Variants in PCDH15 observed in about 807,000 individuals in gnomAD.
The protein encoded by PCDH15 is protocadherin related 15, also known as protocadherin-15.
Under a neutral mutation model 178.5 loss-of-function variants are expected in PCDH15, and 129 were observed. The ratio of observed to expected loss-of-function variants is 0.72; its 90% CI spans 0.63 to 0.84. The LOEUF (loss-of-function observed/expected upper bound fraction) is 0.84, where lower values mean the gene tolerates loss of function less well. PCDH15 is among the 40% of genes least tolerant of loss of function. The pLI, the probability that PCDH15 is intolerant of heterozygous loss-of-function variation, is 0.00. For synonymous variants in PCDH15, 800 were observed against 732.0 expected (o/e 1.09, Z -1.50); for missense variants, 2,230 against 2,099.9 (o/e 1.06, Z -1.21).
At chr10:54,431,224 A>T (rs550724600) in intron 3 of PCDH15, among the ~76,000 whole-genome samples, 118 of 152,286 alleles carry the variant, frequency 7.7e-4, no homozygotes, top group African/African-American at 2.7e-3. Flanking sequence ...TCTGAAAAAT[A>T]AAACAAGACA....
In PCDH15 at chr10:53,806,272, A is replaced by ATGAT. The variant is rs1247417237; in HGVS notation, c.*303_*306dup. 3 of 244,342 alleles carry ATGAT rather than the reference A, an allele frequency of 1.2e-5. No individual in the cohort carries two copies. Among genetic ancestry groups the ATGAT allele is most frequent in the South Asian group, 8.0e-5 (1 of 12,520 alleles). The allele number at this position is 244,342 out of a possible 1,614,324, so 15.1% of individuals were successfully genotyped here. A position where few individuals can be genotyped will look rare whatever the true frequency, so the allele number is the denominator to read the frequency against. On this transcript the variant is annotated 3_prime_UTR_variant, in exon 38 of 38. Transcript: ENST00000644397. ...ATCTATGTTAATCAATAAAATATAA[A>ATGAT]TGATTATTTAGTAATTATTTCTTGT...
chr10:54,362,270 A>T (rs1946167786), intron 5 of PCDH15, among the ~76,000 whole-genome samples: 1 of 152,080 alleles, frequency 6.6e-6, no homozygotes, highest in South Asian at 2.1e-4. Context: ...TTTGGATAAG[A>T]ACAAATTTAA....
At chr10:54,124,723 C>A (rs1206444729) in intron 15 of PCDH15, among the ~76,000 whole-genome samples, 1 of 152,146 alleles carries the variant, frequency 6.6e-6, no homozygotes, top group Admixed American at 6.5e-5. Context: ...GTGAAACATT[C>A]ATGAATCATA....
chr10:53,887,758 A>G (rs1449471795), intron 26 of PCDH15, among the ~76,000 whole-genome samples: 3 of 152,098 alleles, frequency 2.0e-5, no homozygotes, highest in Non-Finnish European at 4.4e-5. Context: ...GCGTGGTGGC[A>G]CATGCCTGTA....
intron 2 of PCDH15, among the ~76,000 whole-genome samples, chr10:55,531,308 C>A (rs927505061): frequency 6.6e-6 from 1 of 151,932 alleles, no homozygotes; most frequent in Non-Finnish European, 1.5e-5. Context: ...CAAGTGTTAT[C>A]TATCTTATAT....
At chr10:54,256,957 C>T (rs2056938843) in intron 8 of PCDH15, among the ~76,000 whole-genome samples, 1 of 152,062 alleles carries the variant, frequency 6.6e-6, no homozygotes. Context: ...ATAACAATGT[C>T]TATATCCCTA....
At chr10:54,856,636 C>T (rs1953747282) in intron 3 of PCDH15, among the ~76,000 whole-genome samples, 1 of 152,164 alleles carries the variant, frequency 6.6e-6, no homozygotes. Context: ...CTTTTGATCA[C>T]TCACCCTGGC....
At chr10:55,317,113 G>C (rs1843742080) in intron 1 of PCDH15, among the ~76,000 whole-genome samples, 1 of 152,084 alleles carries the variant, frequency 6.6e-6, no homozygotes, top group African/African-American at 2.4e-5. Context: ...GGGAACCAGG[G>C]GCAGATAGGG....
chr10:55,466,051 A>T (rs1005913608), intron 2 of PCDH15, among the ~76,000 whole-genome samples: 1 of 152,128 alleles, frequency 6.6e-6, no homozygotes, highest in African/African-American at 2.4e-5. Context: ...TGGGGGTATA[A>T]TGATTACCTC....
chr10:55,470,866 T>C (rs1040108128), intron 2 of PCDH15, among the ~76,000 whole-genome samples: 6 of 152,078 alleles, frequency 3.9e-5, no homozygotes, highest in African/African-American at 1.4e-4. Flanking sequence ...ACTATTTCCA[T>C]AGATTTGCCT....
intron 1 of PCDH15, among the ~76,000 whole-genome samples, chr10:54,754,942 C>CTTCCTTTTTTTTTTT (rs775058954): frequency 5.9e-5 from 2 of 33,858 alleles, no homozygotes; most frequent in African/African-American, 1.8e-4. Context: ...GTTTTTCTTT[C>CTTCCTTTTTTTTTTT]TTTTTTTTTT....
chr10:54,386,264 A>G (rs1453935248), intron 3 of PCDH15, among the ~76,000 whole-genome samples: 1 of 150,450 alleles, frequency 6.6e-6, no homozygotes, highest in African/African-American at 2.4e-5. Context: ...CTGATGAGTT[A>G]CAAAAAAAAA....
In PCDH15 at chr10:54,752,529, CAAAA is replaced by C. The variant is rs150006610; in HGVS notation, c.-29+48392_-29+48395del. On this transcript the variant is annotated intron_variant, in intron 1 of 37. Coordinates refer to ENST00000644397, the MANE Select transcript of PCDH15 (RefSeq NM_001384140.1). ...AACAAAAAACAAACAAACAAACAAA[CAAAA>C]AAAAACAATAAAACAATTTTCCTAT... is the stretch of plus-strand genomic sequence containing the variant. Among the ~76,000 whole-genome samples, 48 of 52,010 alleles carry C rather than the reference CAAAA, an allele frequency of 9.2e-4. 1 individual carries two copies. Among genetic ancestry groups the C allele is most frequent in the African/African-American group, 2.3e-3 (36 of 15,384 alleles). 34.1% of individuals were successfully genotyped at this position (52,010 alleles called of 152,430 possible).
At chr10:55,308,090 A>G (rs1322995340) in intron 1 of PCDH15, among the ~76,000 whole-genome samples, 1 of 152,222 alleles carries the variant, frequency 6.6e-6, no homozygotes, top group Non-Finnish European at 1.5e-5. Flanking sequence ...AATAAATATT[A>G]TAGAAAACAT....
At chr10:55,247,414 A>C (rs1841705252) in intron 1 of PCDH15, among the ~76,000 whole-genome samples, 1 of 152,168 alleles carries the variant, frequency 6.6e-6, no homozygotes, top group Non-Finnish European at 1.5e-5. Context: ...AGCCAAATTT[A>C]TATCTCAGAA....
chr10:53,999,146 T>A (rs2092000093), intron 20 of PCDH15, among the ~76,000 whole-genome samples: 1 of 152,006 alleles, frequency 6.6e-6, no homozygotes, highest in Non-Finnish European at 1.5e-5. Flanking sequence ...ACACAGACAG[T>A]ATAAGCCAAT....
intron 2 of PCDH15, among the ~76,000 whole-genome samples, chr10:54,634,242 C>T (rs1332279643): frequency 1.3e-5 from 2 of 148,676 alleles, no homozygotes; most frequent in Non-Finnish European, 3.0e-5. Flanking sequence ...AAAAACAATA[C>T]TGCATTTCAA....
intron 13 of PCDH15, among the ~76,000 whole-genome samples, chr10:54,154,840 C>T (rs16905636): frequency 0.027 from 4,173 of 152,046 alleles, 186 homozygotes; most frequent in African/African-American, 0.094. Flanking sequence ...CATGATTCTG[C>T]GACTTGTATA....
chr10:54,618,189 A>C (rs1297734354), intron 2 of PCDH15, among the ~76,000 whole-genome samples: 1 of 152,132 alleles, frequency 6.6e-6, no homozygotes, highest in African/African-American at 2.4e-5. Flanking sequence ...GATTAAGTAC[A>C]TGAGTATTTG....
Sources: gnomAD v4.1 joint callset for allele counts (sites outside exome capture counted in the v4.1 genomes callset) on GRCh38, gnomAD v4.1.1 for gene constraint, MANE v1.5 for transcripts, NCBI Gene and HGNC (gene_info 2026-07-23, HGNC 2026-07-21) for gene names.